Variants in AKAP19 observed in about 807,000 individuals in gnomAD.
AKAP19 encodes the protein A-kinase anchoring protein 19.
the AKAP19 span, among the ~76,000 whole-genome samples, chr2:190,189,286 A>G: frequency 6.6e-6 from 1 of 152,250 alleles, no homozygotes; most frequent in East Asian, 1.9e-4. Context: ...ACTTAAAAAC[A>G]TAGGCTGGAT....
At chr2:189,999,051 C>T in the AKAP19 span, among the ~76,000 whole-genome samples, 6 of 152,086 alleles carry the variant, frequency 3.9e-5, no homozygotes, top group South Asian at 4.2e-4. Context: ...AGATTACAGA[C>T]GTAAGCCACC....
chr2:190,060,223 T>A, the AKAP19 span: 1 of 1,613,176 alleles, frequency 6.2e-7, no homozygotes, highest in African/African-American at 1.3e-5. Flanking sequence ...CCTGGGTTCA[T>A]GTCAAGTTTC....
chr2:190,003,627 G>A, the AKAP19 span, among the ~76,000 whole-genome samples: 1 of 152,066 alleles, frequency 6.6e-6, no homozygotes, highest in Admixed American at 6.5e-5. Context: ...ACTTTGGGAG[G>A]CCACAAGCGG....
chr2:190,146,274 A>C, the AKAP19 span, among the ~76,000 whole-genome samples: 1 of 152,188 alleles, frequency 6.6e-6, no homozygotes, highest in Non-Finnish European at 1.5e-5. Context: ...ACTTAGAATA[A>C]TAGTCTCCAA....
chr2:189,935,600 A>C, the AKAP19 span, among the ~76,000 whole-genome samples: 1 of 152,088 alleles, frequency 6.6e-6, no homozygotes, highest in Non-Finnish European at 1.5e-5. Flanking sequence ...CAAACTTAAC[A>C]GCTGTCTGAG....
the AKAP19 span, among the ~76,000 whole-genome samples, chr2:190,179,430 T>C: frequency 6.6e-6 from 1 of 151,926 alleles, no homozygotes; most frequent in Non-Finnish European, 1.5e-5. The surrounding 1 kb of genome is among the most constrained non-coding windows in gnomAD (Gnocchi z 6.0). Flanking sequence ...AAAAAAATGA[T>C]ACTTATCAGA....
At chr2:189,921,424 T>C in the AKAP19 span, among the ~76,000 whole-genome samples, 2 of 152,316 alleles carry the variant, frequency 1.3e-5, no homozygotes, top group African/African-American at 4.8e-5. Context: ...CATGAAGTTA[T>C]TGGTGAATTT....
the AKAP19 span, among the ~76,000 whole-genome samples, chr2:190,041,132 TA>T: frequency 1.3e-5 from 2 of 152,254 alleles, no homozygotes; most frequent in African/African-American, 4.8e-5. Flanking sequence ...ATTTTAATGA[TA>T]TTGATCCTTC....
chr2:190,180,801 G>A, the AKAP19 span: 1 of 985,300 alleles, frequency 1.0e-6, no homozygotes. The surrounding 1 kb of genome is among the most constrained non-coding windows in gnomAD (Gnocchi z 6.8). Flanking sequence ...CGGCGGGCGC[G>A]GCGGCGACGG....
At chr2:190,058,898 T>C in the AKAP19 span, among the ~76,000 whole-genome samples, 5 of 151,936 alleles carry the variant, frequency 3.3e-5, no homozygotes, top group Non-Finnish European at 7.4e-5. Context: ...CTTGGAGTGA[T>C]GGGTGCACTA....
At chr2:190,011,566 G>A in the AKAP19 span, among the ~76,000 whole-genome samples, 2 of 152,276 alleles carry the variant, frequency 1.3e-5, no homozygotes, top group East Asian at 1.9e-4. Flanking sequence ...GCAGTTTCAG[G>A]TTGTATGATT....
the AKAP19 span, among the ~76,000 whole-genome samples, chr2:189,895,650 G>A: frequency 1.3e-5 from 2 of 152,070 alleles, no homozygotes; most frequent in Non-Finnish European, 2.9e-5. Context: ...ATGGGAAATA[G>A]GATTAATGTT....
At chr2:190,046,178 T>C in the AKAP19 span, among the ~76,000 whole-genome samples, 14 of 152,338 alleles carry the variant, frequency 9.2e-5, no homozygotes, top group Admixed American at 8.5e-4. Context: ...CTGTATTTAC[T>C]TGCTCCTTCT....
At chr2:190,163,417 C>G in the AKAP19 span, among the ~76,000 whole-genome samples, 3 of 147,208 alleles carry the variant, frequency 2.0e-5, no homozygotes, top group Middle Eastern at 3.3e-3. Flanking sequence ...CTGGGAGACA[C>G]AGCGAGACTC....
chr2:190,017,257 A>T, the AKAP19 span, among the ~76,000 whole-genome samples: 1 of 152,264 alleles, frequency 6.6e-6, no homozygotes, highest in Middle Eastern at 3.4e-3. Context: ...GTTGGAGAAT[A>T]TAATCCATTT....
At chr2:190,184,050 C>T in the AKAP19 span, among the ~76,000 whole-genome samples, 2 of 152,000 alleles carry the variant, frequency 1.3e-5, no homozygotes, top group African/African-American at 4.8e-5. Flanking sequence ...AGTAGAACCA[C>T]TCATGGTGTT....
chr2:189,993,571 G>T, the AKAP19 span, among the ~76,000 whole-genome samples: 2 of 152,268 alleles, frequency 1.3e-5, no homozygotes, highest in East Asian at 1.9e-4. Context: ...GTTTCAGTAA[G>T]ATTGGTACCA....
chr2:190,091,696 A>G, the AKAP19 span, among the ~76,000 whole-genome samples: 1 of 152,170 alleles, frequency 6.6e-6, no homozygotes, highest in Non-Finnish European at 1.5e-5. Flanking sequence ...AGTTTGTACC[A>G]GAATATCCCT....
the AKAP19 span, chr2:190,200,127 C>T: frequency 1.2e-6 from 2 of 1,613,884 alleles, no homozygotes; most frequent in Non-Finnish European, 1.7e-6. Context: ...ACATTCCATA[C>T]ATTGAGAGTG....
Sources: allele counts gnomAD v4.1 joint callset (sites outside exome capture counted in the v4.1 genomes callset), GRCh38; gene constraint gnomAD v4.1.1; non-coding constraint Gnocchi (gnomAD v3.1); transcripts MANE v1.5; gene names NCBI Gene and HGNC (gene_info 2026-07-23, HGNC 2026-07-21).